The following DNAH11 variants were observed in gnomAD, a reference collection of about 807,000 sequenced individuals.
DNAH11 encodes dynein axonemal heavy chain 11.
In DNAH11, 442 loss-of-function variants were observed where a neutral mutation model predicts 526.0. That is an observed-to-expected ratio of 0.84 (90% CI 0.78 to 0.91). DNAH11 has a LOEUF of 0.91. Ranked by LOEUF, DNAH11 falls within the 40% of genes least tolerant of loss-of-function variation. The pLI is 0.00. For synonymous variants in DNAH11, 2,461 were observed against 1,935.9 expected, an observed-to-expected ratio of 1.27 and a Z score of -7.12; for missense variants, 6,989 against 5,448.7, an observed-to-expected ratio of 1.28 and a Z score of -8.90.
intron 27 of DNAH11, 45 bp downstream of exon 27, chr7:21,637,747 T>G (rs191988325): frequency 1.6e-6 from 2 of 1,267,744 alleles, no homozygotes; most frequent in Admixed American, 5.3e-5. Flanking sequence ...TGTAATTTTA[T>G]GAAGTCTTTT....
chr7:21,767,220 A>T (rs947695229), intron 55 of DNAH11, among the ~76,000 whole-genome samples: 20 of 152,166 alleles, frequency 1.3e-4, no homozygotes, highest in Admixed American at 3.9e-4. Flanking sequence ...TTCTGATAGC[A>T]AATTTGTGTT....
chr7:21,569,455 G>A (rs892796058), intron 6 of DNAH11, among the ~76,000 whole-genome samples: 9 of 152,268 alleles, frequency 5.9e-5, no homozygotes, highest in African/African-American at 1.2e-4. Flanking sequence ...CCAGTGCCAC[G>A]TGGATCTTCC....
chr7:21,744,291 C>CT, intron 49 of DNAH11, 147 bp from the exon 50 acceptor site: 1 of 945,496 alleles, frequency 1.1e-6, no homozygotes, highest in Non-Finnish European at 1.6e-6. Context: ...AGTAAACCTA[C>CT]TTTTATACAC....
chr7:21,801,352 A>G, intron 62 of DNAH11, 77 bp downstream of exon 62: 3 of 1,550,728 alleles, frequency 1.9e-6, no homozygotes, highest in Non-Finnish European at 2.6e-6. Flanking sequence ...TGCCATCAAT[A>G]ATAACTAAAT....
At chr7:21,870,941 T>C (rs1688777123) in intron 73 of DNAH11, among the ~76,000 whole-genome samples, 1 of 152,228 alleles carries the variant, frequency 6.6e-6, no homozygotes, top group Non-Finnish European at 1.5e-5. Context: ...CTAGTATCCA[T>C]TTGATCAGCA....
At chr7:21,717,743 T>C in intron 42 of DNAH11, 32 bp from the exon 43 acceptor site, 2 of 1,612,540 alleles carry the variant, frequency 1.2e-6, no homozygotes, top group Non-Finnish European at 1.7e-6. Flanking sequence ...AAGCCTAGTG[T>C]TCAATAAAAG....
At chr7:21,889,133 T>C (rs1293618852) in intron 76 of DNAH11, among the ~76,000 whole-genome samples, 1 of 152,178 alleles carries the variant, frequency 6.6e-6, no homozygotes, top group East Asian at 1.9e-4. Context: ...TTGCATGTTC[T>C]GGGCATTTTT....
chr7:21,702,605 G>T (rs1784111402), intron 36 of DNAH11, 105 bp from the exon 37 acceptor site: 1 of 827,948 alleles, frequency 1.2e-6, no homozygotes, highest in Admixed American at 2.2e-5. Context: ...ATTAAAGTGT[G>T]TATTTATCTG....
chr7:21,682,524 T>C (rs1006670530), intron 31 of DNAH11, among the ~76,000 whole-genome samples: 2 of 48,940 alleles, frequency 4.1e-5, no homozygotes, highest in African/African-American at 2.4e-4. Flanking sequence ...AGACTCCATC[T>C]CAAAAAAAAA....
intron 14 of DNAH11, among the ~76,000 whole-genome samples, chr7:21,594,309 C>T (rs753151374): frequency 1.3e-5 from 2 of 152,128 alleles, no homozygotes; most frequent in African/African-American, 2.4e-5. Context: ...CTTGTCTTTG[C>T]AGTCCATCAT....
At chr7:21,616,362 C>T in intron 22 of DNAH11, 70 bp downstream of exon 22, 1 of 1,263,118 alleles carries the variant, frequency 7.9e-7, no homozygotes, top group Non-Finnish European at 1.1e-6. Context: ...CTTCCCTAAT[C>T]TAGTATCTGG....
chr7:21,864,632 C>T lies in DNAH11; in HGVS notation c.11471C>T (p.Thr3824Ile). The change falls in exon 70 of 82, where the codon ACT becomes ATT. Residue 3824 changes from threonine (T) to isoleucine (I), a missense_variant. Physicochemically the swap from Thr to Ile is moderately conservative, Grantham distance 89 (BLOSUM62 -1). Coordinates refer to ENST00000409508, the MANE Select transcript of DNAH11 (RefSeq NM_001277115.2). The part of the protein sequence containing the change: ...HTHLSPVDFL[T>I]SQSWSAIKAI... ...CATCTGAGTCCCGTTGACTTCCTAA[C>T]TTCTCAGTCATGGAGTGCTATCAAG... The T allele has an allele frequency of 6.2e-7, 1 of 1,607,624 alleles. No homozygotes were observed. Among genetic ancestry groups the T allele is most frequent in the Non-Finnish European group, 8.5e-7 (1 of 1,177,016 alleles).
At chr7:21,611,294 G>A (rs1442103497) in intron 20 of DNAH11, among the ~76,000 whole-genome samples, 1 of 152,104 alleles carries the variant, frequency 6.6e-6, no homozygotes, top group Non-Finnish European at 1.5e-5. Flanking sequence ...TCAGCATCTG[G>A]TTCTTAGGAC....
chr7:21,707,628 C>T lies in DNAH11; in HGVS notation c.6547-71C>T. On this transcript the variant is annotated intron_variant, in intron 39 of 81. Coordinates refer to ENST00000409508, the MANE Select transcript of DNAH11 (RefSeq NM_001277115.2). ...CATATAATGAATACGGAAAACTCTT[C>T]AGAAATCTTTTACTTTCCATTTGGC... The T allele has an allele frequency of 1.9e-6, 3 of 1,538,618 alleles. No homozygotes were observed. The South Asian group carries it at 3.8e-5, about 20-fold the overall frequency.
chr7:21,779,927 C>T (rs339), intron 57 of DNAH11, among the ~76,000 whole-genome samples: 107,406 of 152,048 alleles, frequency 0.71, 38,685 homozygotes, highest in Non-Finnish European at 0.77. Flanking sequence ...GCCATTGAAT[C>T]GGTAGTGATT....
chr7:21,571,355 A>G (rs1029354691), intron 7 of DNAH11, among the ~76,000 whole-genome samples: 1 of 152,104 alleles, frequency 6.6e-6, no homozygotes, highest in Non-Finnish European at 1.5e-5. Flanking sequence ...AACACAGCTC[A>G]CTGCAGCCTT....
chr7:21,561,204 T>C (rs1783448031), intron 5 of DNAH11, 34 bp downstream of exon 5: 1 of 1,461,046 alleles, frequency 6.8e-7, no homozygotes, highest in Admixed American at 1.9e-5. Context: ...GGCATCAATA[T>C]CACCATCTGC....
chr7:21,895,768 C>T (rs994481779), intron 79 of DNAH11, among the ~76,000 whole-genome samples: 17 of 152,174 alleles, frequency 1.1e-4, no homozygotes, highest in East Asian at 3.9e-4. Context: ...CTCACTCTCT[C>T]GCCCAGGCTG....
At chr7:21,619,282 C>G in intron 24 of DNAH11, 60 bp downstream of exon 24, 1 of 1,561,932 alleles carries the variant, frequency 6.4e-7, no homozygotes, top group Non-Finnish European at 8.7e-7. Context: ...TGCATAGAAG[C>G]CAACTTAGAG....
Sources: gnomAD v4.1 joint callset for allele counts (sites outside exome capture counted in the v4.1 genomes callset) on GRCh38, gnomAD v4.1.1 for gene constraint, MANE v1.5 for transcripts, NCBI Gene and HGNC (gene_info 2026-07-23, HGNC 2026-07-21) for gene names.